CAPN12: variants seen among roughly 807,000 people sequenced by gnomAD.
The protein encoded by CAPN12 is calpain-12.
In CAPN12, 107 loss-of-function variants were observed where a neutral mutation model predicts 95.0. That is an observed-to-expected ratio of 1.13 (90% CI 0.96 to 1.32). The LOEUF (loss-of-function observed/expected upper bound fraction) is 1.32. Ranked by LOEUF, CAPN12 falls within the 40% of genes most tolerant of loss-of-function variation. CAPN12 has a pLI of 0.00. For missense variants in CAPN12, 1,136 were observed against 997.8 expected, an observed-to-expected ratio of 1.14 and a Z score of -1.87; for synonymous variants, 505 against 415.5, an observed-to-expected ratio of 1.22 and a Z score of -2.62.
rs768727053 is a variant in CAPN12 at position 38,738,357 on chromosome 19, C to CT, written c.891-11dup. ...GTCCCAGCGTGGGCAGCTGGAGAGACTGTGGTGTGAGGGGCGGGCAGGTGG... is the reference window on the plus strand; with the variant it reads ...GTCCCAGCGTGGGCAGCTGGAGAGACTTGTGGTGTGAGGGGCGGGCAGGTGG... On this transcript the variant is annotated splice_polypyrimidine_tract_variant and intron_variant, in intron 7 of 20. Coordinates refer to ENST00000328867, the MANE Select transcript of CAPN12 (RefSeq NM_144691.4). 2.5e-6 allele frequency: 4 copies of CT among 1,611,988 alleles called. No homozygotes were observed. Among genetic ancestry groups the CT allele is most frequent in the South Asian group, 2.2e-5 (2 of 91,002 alleles).
rs945135384 is a variant in CAPN12, at chr19:38,736,222, G to T, written c.1471C>A (p.Arg491Ser). Residue 491 changes from arginine (R) to serine (S), a missense_variant, in exon 12 of 21, where the codon CGC becomes AGC. Arg to Ser is a moderately radical substitution (Grantham distance 110). Coordinates refer to ENST00000328867, the MANE Select transcript of CAPN12 (RefSeq NM_144691.4). ...TGGCCTGGACGCAGGCAGCAGCGGC[G>T]GGTCACGTCGCGGCGGGCGCTGAGG... is the stretch of plus-strand genomic sequence containing the variant. ...SPLSARRDVTRRCCLRPGHYL... is the reference protein window; with the variant it reads ...SPLSARRDVTSRCCLRPGHYL... 2.7e-6 allele frequency: 4 copies of T among 1,498,476 alleles called. No individual in the cohort carries two copies. The African/African-American group carries it at 5.8e-5, about 22-fold the overall frequency. The allele number at this position is 1,498,476 out of a possible 1,614,324, so 92.8% of individuals were successfully genotyped here. A position where few individuals can be genotyped will look rare whatever the true frequency, so the allele number is the denominator to read the frequency against.
chr19:38,734,616 A>AGCTT, intron 15 of CAPN12, 197 bp downstream of exon 15: 1 of 644,680 alleles, frequency 1.6e-6, no homozygotes, highest in African/African-American at 1.8e-5. Flanking sequence ...GCGGAAGGGG[A>AGCTT]GCTTGCGAGC....
At chr19:38,735,478 C>T (rs201016156) in intron 13 of CAPN12, 24 bp downstream of exon 13, 5 of 1,610,670 alleles carry the variant, frequency 3.1e-6, no homozygotes, top group East Asian at 4.5e-5. Context: ...CGCCCCATGC[C>T]GCCCCTCCAG....
At position 38,735,229 on chromosome 19, in the gene CAPN12, CAAGAA is replaced by C. The variant is rs1969935134; in HGVS notation, c.1686+136_1686+140del. On this transcript the variant is annotated intron_variant, in intron 14 of 20. Transcript: ENST00000328867. ...AGGCAGGGAGGAGCTGTGAGCATTT[CAAGAA>C]AAGGTCAGGAGATTTAAGCCCGGAG... 3.6e-5 allele frequency: 30 copies of C among 833,866 alleles called. No homozygotes were observed. In the South Asian group the frequency reaches 5.0e-4, roughly 14 times the overall value. 51.7% of individuals were successfully genotyped at this position (833,866 alleles called of 1,614,324 possible).
At position 38,736,155 on chromosome 19, in the gene CAPN12, G is replaced by C; in HGVS notation, c.1538C>G (p.Ala513Gly). The change falls in exon 12 of 21, where the codon GCT becomes GGT. Residue 513 changes from alanine to glycine, a missense_variant. Coordinates refer to ENST00000328867, the MANE Select transcript of CAPN12 (RefSeq NM_144691.4). ...VPSTAHAGDE[A>G]DFTLRVFSER... is the part of the protein sequence containing the mutation. ...GGAGAAGACACGCAGAGTGAAGTCA[G>C]CCTCGTCGCCGGCGTGGGCGGTGCT... The C allele has an allele frequency of 6.6e-7, 1 of 1,515,394 alleles. No individual in the cohort carries two copies. 93.9% of individuals were successfully genotyped at this position (1,515,394 alleles called of 1,614,324 possible).
Position 38,737,494 on chromosome 19 carries a change from G to T in CAPN12, c.1110C>A (p.Gly370=), listed in dbSNP as rs760100626. ...QGRWVRGFNS[G]GSQPNAETFW... ...CCTCACCAGCATTAGGCTGGCTCCC[G>T]CCGGAGTTGAAGCCACGCACCCAGC... The change falls in exon 9 of 21, where the codon GGC becomes GGA. Residue 370 remains glycine, a synonymous_variant. Transcript: ENST00000328867. 6.2e-6 allele frequency: 10 copies of T among 1,612,560 alleles called. No individual in the cohort carries two copies. Among genetic ancestry groups the T allele is most frequent in the Admixed American group, 1.7e-5 (1 of 60,002 alleles).
Position 38,730,587 on chromosome 19 carries a change from AGAGCCAGGGCAGAGCTAGCACTGT to A in CAPN12, c.*241_*264del. On this transcript the variant is annotated 3_prime_UTR_variant, in exon 21 of 21. Transcript: ENST00000328867. ...CTGTGTCTGTCCTCCACCTTCTAGG[AGAGCCAGGGCAGAGCTAGCACTGT>A]CTTAAGCTGTCAACGTGGACTAGCT... 15 of 563,500 alleles carry A rather than the reference AGAGCCAGGGCAGAGCTAGCACTGT, an allele frequency of 2.7e-5. No individual in the cohort carries two copies. Among genetic ancestry groups the A allele is most frequent in the Non-Finnish European group, 2.5e-5 (8 of 315,358 alleles). 34.9% of individuals were successfully genotyped at this position (563,500 alleles called of 1,614,324 possible). A position where few individuals can be genotyped will look rare whatever the true frequency, so the allele number is the denominator to read the frequency against.
chr19:38,730,753 G>T lies in CAPN12; in HGVS notation c.*99C>A, dbSNP rs993700626. 3.5e-6 allele frequency: 5 copies of T among 1,442,920 alleles called. No homozygotes were observed. The highest frequency in any genetic ancestry group is 4.7e-6 in the Non-Finnish European group (5 of 1,055,436). 89.4% of individuals were successfully genotyped at this position (1,442,920 alleles called of 1,614,324 possible). A position where few individuals can be genotyped will look rare whatever the true frequency, so the allele number is the denominator to read the frequency against. On this transcript the variant is annotated 3_prime_UTR_variant, in exon 21 of 21. Transcript: ENST00000328867. ...GGCCAGAGACTAGCCCCAGACAGGT[G>T]GATGCCAGAGAGAGTGGCACCCATG...
intron 18 of CAPN12, chr19:38,731,427 CGACCCCATAGGGTGTGTGAA>C (rs1969601067): frequency 1.7e-6 from 1 of 605,002 alleles, no homozygotes; most frequent in African/African-American, 1.8e-5. Flanking sequence ...AAGACAGCCC[CGACCCCATAGGGTGTGTGAA>C]GACAGAACGC....
chr19:38,736,436 A>T, intron 11 of CAPN12, 116 bp downstream of exon 11: 2 of 1,293,440 alleles, frequency 1.5e-6, no homozygotes, highest in Non-Finnish European at 2.1e-6. Context: ...CTGCCCCCGG[A>T]CCCGGCTCTG....
rs201458075 is a variant in CAPN12, at chr19:38,741,917, G to A, written c.427-7C>T. On this transcript the variant is annotated splice_region_variant and splice_polypyrimidine_tract_variant and intron_variant, in intron 3 of 20. Transcript: ENST00000328867. ...AGCGGCCAAACTGCCAGAGCTGGTG[G>A]GAGAAGATGCAGGGCCGGACTCGGC... is the stretch of plus-strand genomic sequence containing the variant. 15 of 1,613,408 alleles carry A rather than the reference G, an allele frequency of 9.3e-6. No individual in the cohort carries two copies. Among genetic ancestry groups the A allele is most frequent in the African/African-American group, 8.0e-5 (6 of 75,054 alleles).
Position 38,737,155 on chromosome 19 carries a change from C to T in CAPN12, c.1362+1G>A, listed in dbSNP as rs369202547. The T allele has an allele frequency of 5.7e-5, 88 of 1,542,790 alleles. No homozygotes were observed. Among genetic ancestry groups the T allele is most frequent in the Non-Finnish European group, 7.3e-5 (83 of 1,144,028 alleles). ...AGCCTCAGCTTTGCCCAGGACCTCA[C>T]CTGGAACACGTGGAAGCCAACGGTG... On this transcript the variant is annotated splice_donor_variant, in intron 10 of 20. Coordinates refer to ENST00000328867, the MANE Select transcript of CAPN12 (RefSeq NM_144691.4). LOFTEE classifies it high-confidence loss of function.
In CAPN12 at chr19:38,736,264, G is replaced by A. The variant is rs777010807; in HGVS notation, c.1429C>T (p.Arg477Cys). 3 of 1,461,886 alleles carry A rather than the reference G, an allele frequency of 2.1e-6. No individual in the cohort carries two copies. The highest frequency in any genetic ancestry group is 2.8e-5 in the East Asian group (1 of 35,922). The allele number at this position is 1,461,886 out of a possible 1,614,324, so 90.6% of individuals were successfully genotyped here. A position where few individuals can be genotyped will look rare whatever the true frequency, so the allele number is the denominator to read the frequency against. Reference sequence around the variant, plus strand: ...GCGCTGAGGGGCGAGCGGTCGGCGCGCAGCAGCCGGGGCAGGAGCGCATGG... The same window carrying A: ...GCGCTGAGGGGCGAGCGGTCGGCGCACAGCAGCCGGGGCAGGAGCGCATGG... ...RSHALLPRLL[R>C]ADRSPLSARR... is the part of the protein sequence containing the mutation. Residue 477 changes from arginine to cysteine, a missense_variant, in exon 12 of 21, where the codon CGC (arginine) becomes TGC (cysteine). By Grantham distance (180) the Arg-to-Cys change is radical. Transcript: ENST00000328867.
In CAPN12 at chr19:38,738,562, G is replaced by C. The variant is rs369402582; in HGVS notation, c.804+12C>G. The C allele has an allele frequency of 6.2e-7, 1 of 1,613,858 alleles. No homozygotes were observed. Among genetic ancestry groups the C allele is most frequent in the Non-Finnish European group, 8.5e-7 (1 of 1,180,014 alleles). ...GACATGGCCTGCCACCCCACCCATG[G>C]GGGACACTTACCTTGTGTGTGCCCG... On this transcript the variant is annotated intron_variant, in intron 6 of 20. Coordinates refer to ENST00000328867, the MANE Select transcript of CAPN12 (RefSeq NM_144691.4).
rs1162046191 is a variant in CAPN12 at position 38,744,359 on chromosome 19, C to A, written c.-194G>T. The A allele has an allele frequency of 1.6e-6, 1 of 616,218 alleles. No homozygotes were observed. Among genetic ancestry groups the A allele is most frequent in the Non-Finnish European group, 2.8e-6 (1 of 351,390 alleles). The allele number at this position is 616,218 out of a possible 1,614,324, so 38.2% of individuals were successfully genotyped here. On this transcript the variant is annotated 5_prime_UTR_variant, in exon 1 of 21. Coordinates refer to ENST00000328867, the MANE Select transcript of CAPN12 (RefSeq NM_144691.4). ...GTAGCTTTCTTCCCAGGGCGTGGGG[C>A]CTTCAGTTGTGGCCAAGGTAGCAGC...
intron 14 of CAPN12, 32 bp downstream of exon 14, chr19:38,735,338 G>A (rs773393992): frequency 1.2e-5 from 19 of 1,525,556 alleles, no homozygotes; most frequent in Admixed American, 2.0e-5. Flanking sequence ...GGCCGCAGCG[G>A]GATACCCCCT....
At chr19:38,743,869 T>C in intron 1 of CAPN12, 60 bp downstream of exon 1, 2 of 1,518,596 alleles carry the variant, frequency 1.3e-6, no homozygotes, top group Non-Finnish European at 1.8e-6. Context: ...GACCCAGGAG[T>C]CCATGCCTCC....
At chr19:38,738,207 T>TA (rs1276584485) in intron 8 of CAPN12, 66 bp downstream of exon 8, 2 of 1,526,020 alleles carry the variant, frequency 1.3e-6, no homozygotes, top group Non-Finnish European at 1.8e-6. Flanking sequence ...CAACTGGGGC[T>TA]CGCCCTCCCT....
In CAPN12 at chr19:38,740,147, C is replaced by T. The variant is rs1970465272; in HGVS notation, c.633G>A (p.Val211=). ...TTTGTCTCAGATAGAGCACCTCGCC[C>T]ACGCCGCCTGTGAAATCCACAAAAG... ...NEAFVDFTGG[V]GEVLYLRQNS... Residue 211 remains valine (V), a synonymous_variant, in exon 5 of 21, where the codon GTG becomes GTA. Coordinates refer to ENST00000328867, the MANE Select transcript of CAPN12 (RefSeq NM_144691.4). The T allele has an allele frequency of 6.2e-7, 1 of 1,613,482 alleles. No individual in the cohort carries two copies. The highest frequency in any genetic ancestry group is 1.7e-5 in the Admixed American group (1 of 59,952).
Sources: allele counts gnomAD v4.1 joint callset, GRCh38; gene constraint gnomAD v4.1.1; transcripts MANE v1.5; gene names NCBI Gene and HGNC (gene_info 2026-07-23, HGNC 2026-07-21).